The following EPAS1 variants were observed in gnomAD, a reference collection of about 807,000 sequenced individuals.
The protein encoded by EPAS1 is endothelial PAS domain-containing protein 1.
EPAS1 carries 23 observed loss-of-function variants against 87.9 expected under a neutral mutation model. That is an observed-to-expected ratio of 0.26 (90% confidence interval 0.19 to 0.37). EPAS1 has a LOEUF of 0.37. EPAS1 is among the 10% of genes least tolerant of loss of function. The pLI is 1.00. For missense variants in EPAS1, 1,138 were observed against 1,120.7 expected (o/e 1.02, Z -0.22); for synonymous variants, 508 against 444.3 (o/e 1.14, Z -1.80).
In EPAS1 at chr2:46,346,498, A is replaced by T. The variant is rs1206865155; in HGVS notation, c.27-375A>T. On this transcript the variant is annotated intron_variant, in intron 1 of 15. Coordinates refer to ENST00000263734, the MANE Select transcript of EPAS1 (RefSeq NM_001430.5). The surrounding 1 kb of genome is among the most constrained non-coding windows in gnomAD (Gnocchi z 4.0). ...GACAAAGCCATCTGAGCCACTGATCATAGCTTCCTTACCCTTCTCTTTCCA... is the reference window on the plus strand; with the variant it reads ...GACAAAGCCATCTGAGCCACTGATCTTAGCTTCCTTACCCTTCTCTTTCCA... 6.6e-6 allele frequency among the ~76,000 whole-genome samples: 1 copy of T among 152,196 alleles called. No individual in the cohort carries two copies. Among genetic ancestry groups the T allele is most frequent in the African/African-American group, 2.4e-5 (1 of 41,442 alleles).
chr2:46,352,580 A>G (rs1868087), intron 2 of EPAS1, among the ~76,000 whole-genome samples: 41,226 of 152,158 alleles, frequency 0.27, 6,020 homozygotes, highest in African/African-American at 0.35. Context: ...GATTTGTGAC[A>G]TGAGCCTCCA....
At chr2:46,313,363 G>A (rs1161708066) in intron 1 of EPAS1, among the ~76,000 whole-genome samples, 1 of 152,094 alleles carries the variant, frequency 6.6e-6, no homozygotes, top group East Asian at 1.9e-4. Flanking sequence ...CCCTAGGGAA[G>A]CATTTTCTCA....
chr2:46,358,986 C>T (rs1015099891), intron 4 of EPAS1, among the ~76,000 whole-genome samples: 12 of 152,066 alleles, frequency 7.9e-5, no homozygotes, highest in Admixed American at 7.2e-4. Flanking sequence ...CAAGGCCAGG[C>T]ACGGTGGCTC....
At chr2:46,301,824 G>GA (rs3053640) in intron 1 of EPAS1, among the ~76,000 whole-genome samples, 7,411 of 131,304 alleles carry the variant, frequency 0.056, 597 homozygotes, top group African/African-American at 0.2. Context: ...TTTGCTTTTT[G>GA]AAAAAAAAAA....
chr2:46,376,434 C>T (rs1206166271), intron 8 of EPAS1, 105 bp from the exon 9 acceptor site: 60 of 1,100,984 alleles, frequency 5.4e-5, no homozygotes, highest in Non-Finnish European at 7.1e-5. Flanking sequence ...GAGTCCTACC[C>T]ATTTTTTGTC....
At chr2:46,328,500 A>G (rs1048663881) in intron 1 of EPAS1, among the ~76,000 whole-genome samples, 9 of 152,180 alleles carry the variant, frequency 5.9e-5, no homozygotes, top group Non-Finnish European at 1.3e-4. Context: ...CCATCCCCCA[A>G]ACAGTCAGTG....
At chr2:46,358,996 C>G (rs941685333) in intron 4 of EPAS1, among the ~76,000 whole-genome samples, 1 of 152,092 alleles carries the variant, frequency 6.6e-6, no homozygotes, top group African/African-American at 2.4e-5. Context: ...CACGGTGGCT[C>G]ACGCCTGTAA....
chr2:46,374,818 C>T (rs1262087233), intron 7 of EPAS1, among the ~76,000 whole-genome samples: 1 of 152,184 alleles, frequency 6.6e-6, no homozygotes, highest in East Asian at 1.9e-4. Context: ...GAAGGACAGT[C>T]TGTGATGTGA....
At position 46,377,506 on chromosome 2, in the gene EPAS1, C is replaced by T. The variant is rs534292562; in HGVS notation, c.1250-388C>T. The stretch of plus-strand genomic sequence containing the variant: ...CAGCTAAAGAGAATCTGAAACGCAG[C>T]GGGCCCTTGGCCAGTAGGTCTCGCG... On this transcript the variant is annotated intron_variant, in intron 9 of 15. Coordinates refer to ENST00000263734, the MANE Select transcript of EPAS1 (RefSeq NM_001430.5). 6.6e-5 allele frequency among the ~76,000 whole-genome samples: 10 copies of T among 152,308 alleles called. No individual in the cohort carries two copies. In the South Asian group the frequency reaches 1.7e-3, roughly 25 times the overall value.
chr2:46,378,436 G>C (rs1440563920), intron 10 of EPAS1, among the ~76,000 whole-genome samples: 1 of 152,192 alleles, frequency 6.6e-6, no homozygotes, highest in Admixed American at 6.5e-5. Flanking sequence ...CCTGTGAAGC[G>C]ACAGTAGCCT....
intron 7 of EPAS1, among the ~76,000 whole-genome samples, chr2:46,372,035 A>T (rs1038897633): frequency 6.6e-6 from 1 of 152,174 alleles, no homozygotes; most frequent in Non-Finnish European, 1.5e-5. Flanking sequence ...CTAGGATAAA[A>T]ATGGTTTATG....
chr2:46,374,858 G>A (rs1684704606), intron 7 of EPAS1, among the ~76,000 whole-genome samples: 1 of 152,172 alleles, frequency 6.6e-6, no homozygotes, highest in Admixed American at 6.5e-5. Flanking sequence ...CAACAAAAGC[G>A]TTTTTTAAAT....
At chr2:46,367,592 A>C (rs1329566617) in intron 6 of EPAS1, among the ~76,000 whole-genome samples, 1 of 152,214 alleles carries the variant, frequency 6.6e-6, no homozygotes, top group Non-Finnish European at 1.5e-5. Context: ...TTGCCAGATA[A>C]TGTATCCATT....
At chr2:46,344,713 A>G (rs1195617455) in intron 1 of EPAS1, among the ~76,000 whole-genome samples, 1 of 152,198 alleles carries the variant, frequency 6.6e-6, no homozygotes, top group Non-Finnish European at 1.5e-5. Context: ...GTTGGAAGTC[A>G]GGGAGAGAGG....
intron 1 of EPAS1, among the ~76,000 whole-genome samples, chr2:46,342,090 C>G (rs1163154348): frequency 6.6e-6 from 1 of 152,168 alleles, no homozygotes; most frequent in Non-Finnish European, 1.5e-5. Context: ...TCCCATTGCC[C>G]AGCCTGCACC....
At chr2:46,355,452 T>C (rs1475743888) in intron 2 of EPAS1, among the ~76,000 whole-genome samples, 1 of 152,222 alleles carries the variant, frequency 6.6e-6, no homozygotes, top group Non-Finnish European at 1.5e-5. Context: ...TTGCAATCTT[T>C]ATACCTTTGG....
chr2:46,336,013 C>G (rs576532567), intron 1 of EPAS1: 1 of 152,228 alleles, frequency 6.6e-6, no homozygotes, highest in African/African-American at 2.4e-5. Flanking sequence ...GGAGCCTTCC[C>G]GATGCTTTAA....
intron 1 of EPAS1, among the ~76,000 whole-genome samples, chr2:46,305,616 T>C (rs78121536): frequency 0.023 from 3,527 of 152,298 alleles, 57 homozygotes; most frequent in Non-Finnish European, 0.031. Context: ...GAAACATATG[T>C]TTATTTGCCA....
chr2:46,303,893 T>C (rs866778788), intron 1 of EPAS1, among the ~76,000 whole-genome samples: 1 of 152,152 alleles, frequency 6.6e-6, no homozygotes, highest in African/African-American at 2.4e-5. Context: ...GGAAGGTGTG[T>C]GTATTTAGTA....
Sources: allele counts gnomAD v4.1 joint callset (sites outside exome capture counted in the v4.1 genomes callset), GRCh38; gene constraint gnomAD v4.1.1; non-coding constraint Gnocchi (gnomAD v3.1); transcripts MANE v1.5; gene names NCBI Gene and HGNC (gene_info 2026-07-23, HGNC 2026-07-21).